The following ASB11 variants were observed in gnomAD, a reference collection of about 807,000 sequenced individuals.
ASB11 encodes ankyrin repeat and SOCS box containing 11, also known as ankyrin repeat and SOCS box protein 11.
Under a neutral mutation model 20.1 loss-of-function variants are expected in ASB11, and 17 were observed. The observed-to-expected ratio is 0.85, with a 90% CI of 0.58 to 1.27. ASB11 has a LOEUF of 1.27. Ranked by LOEUF, ASB11 falls within the 50% of genes most tolerant of loss-of-function variation. The pLI is 0.00. For missense variants in ASB11, 259 were observed against 256.9 expected (o/e 1.01, Z -0.06); for synonymous variants, 107 against 105.6 (o/e 1.01, Z -0.08).
chrX:15,291,027 C>CT (rs768835494), intron 4 of ASB11, among the ~76,000 whole-genome samples: 2 of 110,560 alleles, frequency 1.8e-5, no homozygotes, highest in African/African-American at 3.3e-5. Context: ...TAATTCTTGT[C>CT]TTTTTTTTGA....
At chrX:15,310,956 C>T (rs1258703681) in intron 1 of ASB11, among the ~76,000 whole-genome samples, 5 of 111,891 alleles carry the variant, frequency 4.5e-5, no homozygotes, top group Non-Finnish European at 9.4e-5. Flanking sequence ...CACTGCACTC[C>T]AGCTTGGGCA....
chrX:15,289,770 T>C, intron 4 of ASB11, 132 bp from the exon 5 acceptor site: 9 of 758,118 alleles, frequency 1.2e-5, no homozygotes, highest in Non-Finnish European at 1.7e-5. Context: ...ACGCCTGTAA[T>C]CTCAGCTTTT....
Position 15,283,619 on chromosome X carries a change from A to G in ASB11, c.858T>C (p.Ala286=). 1 of 1,208,916 alleles carries G rather than the reference A, an allele frequency of 8.3e-7. No individual in the cohort carries two copies. Among genetic ancestry groups the G allele is most frequent in the South Asian group, 1.8e-5 (1 of 56,773 alleles). The part of the protein sequence containing the change: ...QALLLREGPP[A]LSQLCRLCVR... ...CACACAGGCGGCAGAGCTGGGAAAG[A>G]GCAGGTGGGCCTGAGAGAGAAATAA... The change falls in exon 7 of 7, where the codon GCT becomes GCC. Residue 286 remains alanine (A), a synonymous_variant. Transcript: ENST00000480796.
intron 1 of ASB11, among the ~76,000 whole-genome samples, chrX:15,309,708 C>T (rs1921358664): frequency 9.1e-6 from 1 of 109,865 alleles, no homozygotes; most frequent in Non-Finnish European, 1.9e-5. Flanking sequence ...TGGCTCACGC[C>T]TGTAATCCCA....
chrX:15,302,097 G>C (rs373961049), intron 2 of ASB11, among the ~76,000 whole-genome samples: 2 of 111,661 alleles, frequency 1.8e-5, no homozygotes, highest in East Asian at 2.8e-4. Context: ...CTCTCTGAGA[G>C]AAGCCAGCTG....
chrX:15,294,456 G>A (rs1480349593), intron 3 of ASB11, among the ~76,000 whole-genome samples: 2 of 111,698 alleles, frequency 1.8e-5, no homozygotes, highest in African/African-American at 3.3e-5. Context: ...CTGCAGCCTC[G>A]AATTCCTAGG....
chrX:15,314,449 T>G (rs1249219443), intron 1 of ASB11: 1 of 1,199,144 alleles, frequency 8.3e-7, no homozygotes, highest in East Asian at 3.0e-5. Flanking sequence ...TTCTGAAACT[T>G]CACAATTCTT....
At chrX:15,283,808 C>G (rs961553082) in intron 6 of ASB11, among the ~76,000 whole-genome samples, 179 bp from the exon 7 acceptor site, 1 of 111,173 alleles carries the variant, frequency 9.0e-6, no homozygotes, top group African/African-American at 3.3e-5. Context: ...CTGATTTGCC[C>G]CTCTGGAAGG....
Position 15,283,376 on chromosome X carries a change from G to A in ASB11, c.*129C>T, listed in dbSNP as rs1927243672. ...CTCCTCAAGTGTTCTAGCTCATGGG[G>A]GATTTACTTCGACTGAGCTCATTTA... On this transcript the variant is annotated 3_prime_UTR_variant, in exon 7 of 7. Coordinates refer to ENST00000480796, the MANE Select transcript of ASB11 (RefSeq NM_080873.3). 2 of 921,940 alleles carry A rather than the reference G, an allele frequency of 2.2e-6. No homozygotes were observed. Among genetic ancestry groups the A allele is most frequent in the East Asian group, 3.2e-5 (1 of 31,733 alleles). The allele number at this position is 921,940 out of a possible 1,213,427, so 76.0% of individuals were successfully genotyped here.
intron 1 of ASB11, among the ~76,000 whole-genome samples, chrX:15,309,074 T>A (rs12013880): frequency 0.011 from 1,202 of 110,935 alleles, 13 homozygotes; most frequent in African/African-American, 0.038. Flanking sequence ...ACATCACCAC[T>A]CCCAGCTAAT....
In ASB11 at chrX:15,315,590, C is replaced by T. The variant is rs1921589001; in HGVS notation, c.16G>A (p.Val6Ile). Residue 6 changes from valine (V) to isoleucine (I), a missense_variant, in exon 1 of 7, where the codon GTT (valine) becomes ATT (isoleucine). Physicochemically the swap from Val to Ile is conservative, Grantham distance 29. Transcript: ENST00000480796. MEDGPVFYGFKNIFIT... is the reference protein window; with the variant it reads MEDGPIFYGFKNIFIT... ...AAAATGTTTTTAAAGCCATAGAAAA[C>T]AGGACCATCTTCCATTTTGGCTTAT... 8.5e-7 allele frequency: 1 copy of T among 1,172,927 alleles called. No individual in the cohort carries two copies. The highest frequency in any genetic ancestry group is 1.1e-6 in the Non-Finnish European group (1 of 879,050).
chrX:15,290,392 A>G (rs1233117476), intron 4 of ASB11, among the ~76,000 whole-genome samples: 1 of 112,104 alleles, frequency 8.9e-6, no homozygotes, highest in Non-Finnish European at 1.9e-5. Context: ...TTCTTTATCC[A>G]TGCATGTGAG....
At chrX:15,309,382 T>G (rs1341653942) in intron 1 of ASB11, among the ~76,000 whole-genome samples, 1 of 108,404 alleles carries the variant, frequency 9.2e-6, no homozygotes, top group Non-Finnish European at 1.9e-5. Flanking sequence ...GATCTGTCAC[T>G]GTCTCCCATC....
chrX:15,297,268 G>A (rs1920973961), intron 3 of ASB11, among the ~76,000 whole-genome samples: 1 of 110,899 alleles, frequency 9.0e-6, no homozygotes, highest in African/African-American at 3.3e-5. Context: ...CAGCCTGGGC[G>A]ACAGAGTGAG....
intron 1 of ASB11, among the ~76,000 whole-genome samples, chrX:15,311,351 C>G (rs1816156401): frequency 1.8e-5 from 2 of 112,356 alleles, no homozygotes; most frequent in Admixed American, 1.9e-4. Flanking sequence ...AAGGTAGAGC[C>G]TCTGCCAAGG....
intron 1 of ASB11, among the ~76,000 whole-genome samples, chrX:15,312,130 T>A (rs771659173): frequency 5.4e-5 from 6 of 110,699 alleles, no homozygotes; most frequent in Middle Eastern, 4.7e-3. Context: ...CCTGAGAAAG[T>A]GCCTGCAGAA....
At chrX:15,308,212 C>A (rs1744463647) in intron 1 of ASB11, among the ~76,000 whole-genome samples, 1 of 112,467 alleles carries the variant, frequency 8.9e-6, no homozygotes, top group African/African-American at 3.2e-5. Context: ...GCCCTTCACA[C>A]TGGGGCTTAC....
At chrX:15,302,932 ACG>A in intron 1 of ASB11, 125 bp from the exon 2 acceptor site, 1 of 566,005 alleles carries the variant, frequency 1.8e-6, no homozygotes, top group Admixed American at 2.9e-5. Context: ...AGCAGGTATC[ACG>A]CATCAGGCTC....
intron 6 of ASB11, among the ~76,000 whole-genome samples, chrX:15,285,431 G>A (rs868532633): frequency 9.1e-6 from 1 of 109,931 alleles, no homozygotes; most frequent in Non-Finnish European, 1.9e-5. Context: ...GAGCCACCGC[G>A]CCCAGCCAGT....
Sources: gnomAD v4.1 joint callset for allele counts (sites outside exome capture counted in the v4.1 genomes callset) on GRCh38, gnomAD v4.1.1 for gene constraint, MANE v1.5 for transcripts, NCBI Gene and HGNC (gene_info 2026-07-23, HGNC 2026-07-21) for gene names.